CHCT1: variants seen among roughly 807,000 people sequenced by gnomAD.
CHCT1 encodes the protein CHD1 helical C-terminal domain containing 1.
the CHCT1 span, among the ~76,000 whole-genome samples, chr17:60,424,607 G>T: frequency 6.6e-6 from 1 of 152,192 alleles, no homozygotes; most frequent in Non-Finnish European, 1.5e-5. Flanking sequence ...CGTAGACCCT[G>T]GGTGCGGTGG....
chr17:60,429,886 G>A, the CHCT1 span, among the ~76,000 whole-genome samples: 2 of 151,962 alleles, frequency 1.3e-5, no homozygotes, highest in African/African-American at 4.8e-5. Flanking sequence ...ATGCAATGGC[G>A]CTATCTCGGC....
At chr17:60,428,242 C>T in the CHCT1 span, among the ~76,000 whole-genome samples, 1 of 152,100 alleles carries the variant, frequency 6.6e-6, no homozygotes, top group South Asian at 2.1e-4. Flanking sequence ...TAATTTGTCG[C>T]AGTCTTTATA....
chr17:60,421,668 C>T, the CHCT1 span: 16 of 907,326 alleles, frequency 1.8e-5, no homozygotes, highest in Non-Finnish European at 2.0e-5. Flanking sequence ...GCTGCCGCGC[C>T]AGGGGCGAGG....
chr17:60,426,116 C>A, the CHCT1 span: 1 of 1,538,284 alleles, frequency 6.5e-7, no homozygotes, highest in Non-Finnish European at 8.8e-7. Flanking sequence ...CCATCTGCCT[C>A]TTCTTTTCTC....
chr17:60,422,560 G>A, the CHCT1 span: 3 of 1,549,530 alleles, frequency 1.9e-6, no homozygotes, highest in Non-Finnish European at 2.6e-6. Context: ...CGTGGGGAGT[G>A]CCACCCTGGA....
At chr17:60,422,184 C>G in the CHCT1 span, 2 of 273,122 alleles carry the variant, frequency 7.3e-6, no homozygotes, top group Non-Finnish European at 1.4e-5. Context: ...GAGCCCCCAC[C>G]ACGGCGTAAC....
At chr17:60,425,968 C>A in the CHCT1 span, 5 of 1,335,124 alleles carry the variant, frequency 3.7e-6, no homozygotes, top group Admixed American at 8.0e-5. Flanking sequence ...GGCCTCAGAC[C>A]CACAGCGCAT....
the CHCT1 span, among the ~76,000 whole-genome samples, chr17:60,427,510 T>C: frequency 6.6e-6 from 1 of 151,880 alleles, no homozygotes; most frequent in African/African-American, 2.4e-5. Flanking sequence ...CTCCGCCTCC[T>C]GGGTTCAAGT....
At chr17:60,425,084 G>A in the CHCT1 span, among the ~76,000 whole-genome samples, 5 of 151,944 alleles carry the variant, frequency 3.3e-5, no homozygotes, top group African/African-American at 4.8e-5. Flanking sequence ...TTCATCCCCC[G>A]ACTCTGACCA....
chr17:60,421,656 C>T, the CHCT1 span: 1 of 934,624 alleles, frequency 1.1e-6, no homozygotes, highest in Middle Eastern at 5.5e-4. Context: ...CGAGGGGGCG[C>T]TGCTGCCGCG....
At chr17:60,429,602 T>C in the CHCT1 span, 1 of 1,579,836 alleles carries the variant, frequency 6.3e-7, no homozygotes, top group East Asian at 2.3e-5. Context: ...CCCAGGAGTT[T>C]GTGAGTGGTG....
At chr17:60,431,414 C>A in the CHCT1 span, 1 of 606,442 alleles carries the variant, frequency 1.6e-6, no homozygotes, top group Non-Finnish European at 2.9e-6. Flanking sequence ...ATTCTTATGA[C>A]AGTTCTACCT....
the CHCT1 span, chr17:60,422,304 C>T: frequency 1.9e-6 from 1 of 533,970 alleles, no homozygotes; most frequent in Non-Finnish European, 3.1e-6. Context: ...GCCAGCCTCT[C>T]CTGGCCTGCT....
chr17:60,427,480 C>T, the CHCT1 span, among the ~76,000 whole-genome samples: 4 of 151,818 alleles, frequency 2.6e-5, no homozygotes, highest in South Asian at 2.1e-4. Context: ...TGTCGTGGCG[C>T]GATCTTGGCT....
the CHCT1 span, among the ~76,000 whole-genome samples, chr17:60,430,124 T>C: frequency 0.014 from 59 of 4,080 alleles, 3 homozygotes; most frequent in African/African-American, 0.051. Flanking sequence ...GCACCTGGCT[T>C]TTTTTTTTTT....
the CHCT1 span, chr17:60,421,801 C>G: frequency 1.0e-6 from 1 of 958,590 alleles, no homozygotes; most frequent in African/African-American, 1.8e-5. Flanking sequence ...TAGGAAGAGT[C>G]GGGGTGGCGG....
chr17:60,431,337 A>T, the CHCT1 span: 1 of 1,065,986 alleles, frequency 9.4e-7, no homozygotes, highest in Non-Finnish European at 1.4e-6. Context: ...CCAAAAAGGG[A>T]AAAGAATTGT....
chr17:60,422,466 G>C, the CHCT1 span: 1 of 1,525,110 alleles, frequency 6.6e-7, no homozygotes, highest in Non-Finnish European at 8.8e-7. Context: ...GGTTGCCGTG[G>C]CTTTGCTCCG....
At chr17:60,429,258 C>G in the CHCT1 span, 4 of 1,278,800 alleles carry the variant, frequency 3.1e-6, no homozygotes, top group East Asian at 2.5e-5. Flanking sequence ...CAAGTGTGAC[C>G]GGCAGGCAGA....
Sources: allele counts gnomAD v4.1 joint callset (sites outside exome capture counted in the v4.1 genomes callset), GRCh38; gene constraint gnomAD v4.1.1; transcripts MANE v1.5; gene names NCBI Gene and HGNC (gene_info 2026-07-23, HGNC 2026-07-21).